The following RARB variants were observed in gnomAD, a reference collection of about 807,000 sequenced individuals.
RARB encodes HBV-activated protein.
Under a neutral mutation model 51.9 loss-of-function variants are expected in RARB, and 17 were observed. The observed-to-expected ratio is 0.33, with a 90% CI of 0.22 to 0.49. The LOEUF (loss-of-function observed/expected upper bound fraction) is 0.49, where lower values mean the gene tolerates loss of function less well. RARB is among the 20% of genes least tolerant of loss of function. The pLI is 0.99. For synonymous variants in RARB, 215 were observed against 195.4 expected, an observed-to-expected ratio of 1.10 and a Z score of -0.84; for missense variants, 369 against 550.8, an observed-to-expected ratio of 0.67 and a Z score of 3.30.
chr3:25,401,707 T>G (rs1575374306), intron 5 of RARB, among the ~76,000 whole-genome samples: 1 of 152,144 alleles, frequency 6.6e-6, no homozygotes, highest in South Asian at 2.1e-4. Flanking sequence ...GAGAAAGTAT[T>G]CAGACGGAAG....
chr3:25,474,622 C>T (rs972970332), intron 2 of RARB, among the ~76,000 whole-genome samples: 2 of 152,110 alleles, frequency 1.3e-5, no homozygotes, highest in African/African-American at 2.4e-5. Context: ...ATGATTTCAT[C>T]AAAAACGTTA....
chr3:24,888,974 C>A (rs2062790269), intron 2 of RARB, among the ~76,000 whole-genome samples: 1 of 152,128 alleles, frequency 6.6e-6, no homozygotes, highest in South Asian at 2.1e-4. Flanking sequence ...AGACTAATTT[C>A]CTTTTGATGA....
At chr3:25,040,670 T>A (rs1475823191) in intron 2 of RARB, among the ~76,000 whole-genome samples, 1 of 152,050 alleles carries the variant, frequency 6.6e-6, no homozygotes, top group Non-Finnish European at 1.5e-5. Context: ...GAAGAATTGC[T>A]TGAACCTGGG....
At chr3:25,219,064 GTATT>G (rs1334276803) in intron 5 of RARB, among the ~76,000 whole-genome samples, 9 of 152,130 alleles carry the variant, frequency 5.9e-5, no homozygotes, top group Non-Finnish European at 1.2e-4. Flanking sequence ...TCAACTATAA[GTATT>G]TATTTAGCAT....
intron 5 of RARB, among the ~76,000 whole-genome samples, chr3:25,263,452 C>G (rs772668702): frequency 3.3e-5 from 5 of 152,132 alleles, no homozygotes; most frequent in Non-Finnish European, 7.3e-5. Flanking sequence ...TGTGACCAGT[C>G]TACTTAAATG....
chr3:25,387,393 C>T (rs1157452517), intron 5 of RARB, among the ~76,000 whole-genome samples: 3 of 152,072 alleles, frequency 2.0e-5, no homozygotes, highest in South Asian at 2.1e-4. Context: ...CCTACAGCAC[C>T]TTATGGGTAG....
chr3:25,114,834 A>C (rs1331355108), intron 3 of RARB, among the ~76,000 whole-genome samples: 1 of 152,186 alleles, frequency 6.6e-6, no homozygotes, highest in Admixed American at 6.5e-5. Context: ...TTTAAAAATT[A>C]CTGCACTATC....
chr3:25,173,901 A>G (rs560998629), intron 4 of RARB, among the ~76,000 whole-genome samples: 5 of 152,316 alleles, frequency 3.3e-5, no homozygotes, highest in South Asian at 4.1e-4. Context: ...AGGTTTTGCT[A>G]TTTAATATCA....
intron 5 of RARB, among the ~76,000 whole-genome samples, chr3:25,325,920 A>G (rs1704703287): frequency 1.3e-5 from 2 of 152,354 alleles, no homozygotes; most frequent in South Asian, 4.1e-4. Context: ...AGCTAAGTCC[A>G]AGACCAACAG....
intron 3 of RARB, among the ~76,000 whole-genome samples, chr3:25,511,791 C>T (rs1480108070): frequency 6.6e-6 from 1 of 152,188 alleles, no homozygotes; most frequent in African/African-American, 2.4e-5. Context: ...ACATGCTGAA[C>T]TCTGTGCACA....
chr3:25,335,043 A>T (rs1705023884), intron 5 of RARB, among the ~76,000 whole-genome samples: 1 of 152,164 alleles, frequency 6.6e-6, no homozygotes, highest in African/African-American at 2.4e-5. Context: ...CTCTGGTGTT[A>T]GGTGGGGGTG....
intron 2 of RARB, among the ~76,000 whole-genome samples, chr3:25,035,073 T>G (rs1697958094): frequency 6.6e-6 from 1 of 152,224 alleles, no homozygotes; most frequent in Non-Finnish European, 1.5e-5. Flanking sequence ...ATGAAAAAGC[T>G]GTTTCAATTT....
chr3:25,473,984 A>C (rs1298121682), intron 2 of RARB, among the ~76,000 whole-genome samples: 1 of 151,060 alleles, frequency 6.6e-6, no homozygotes, highest in Non-Finnish European at 1.5e-5. Flanking sequence ...TGTACTTCTC[A>C]GGTTCTGTGA....
intron 2 of RARB, among the ~76,000 whole-genome samples, chr3:24,874,416 G>T (rs956417763): frequency 6.6e-6 from 1 of 151,346 alleles, no homozygotes. Context: ...AATCTTCCAG[G>T]ATGATGACTT....
At chr3:24,877,346 C>CT (rs66976672) in intron 2 of RARB, among the ~76,000 whole-genome samples, 934 of 81,924 alleles carry the variant, frequency 0.011, 144 homozygotes, top group African/African-American at 0.037. Flanking sequence ...AGCAATCTTA[C>CT]TTTTTTTTTT....
chr3:25,494,876 A>T (rs1038493300), intron 2 of RARB, among the ~76,000 whole-genome samples: 2 of 152,252 alleles, frequency 1.3e-5, no homozygotes, highest in African/African-American at 4.8e-5. Flanking sequence ...AGTTTTGTCA[A>T]TAACAGTAGC....
chr3:25,108,568 G>A (rs763344979), intron 3 of RARB, among the ~76,000 whole-genome samples: 11 of 152,060 alleles, frequency 7.2e-5, no homozygotes, highest in African/African-American at 1.9e-4. Context: ...GGACTCAGTC[G>A]CGTGGTCACA....
intron 2 of RARB, among the ~76,000 whole-genome samples, chr3:24,917,531 C>G (rs760111105): frequency 6.6e-6 from 1 of 152,134 alleles, no homozygotes; most frequent in Non-Finnish European, 1.5e-5. Context: ...TAAAAATATG[C>G]TCAATGTCAT....
intron 5 of RARB, among the ~76,000 whole-genome samples, chr3:25,189,247 G>C (rs1701043779): frequency 6.6e-6 from 1 of 152,080 alleles, no homozygotes; most frequent in South Asian, 2.1e-4. Flanking sequence ...CTGTCTCCAG[G>C]TACATCGCTC....
Sources: allele counts gnomAD v4.1 joint callset (sites outside exome capture counted in the v4.1 genomes callset), GRCh38; gene constraint gnomAD v4.1.1; transcripts MANE v1.5; gene names NCBI Gene and HGNC (gene_info 2026-07-23, HGNC 2026-07-21).